The following ATRNL1 variants were observed in gnomAD, a reference collection of about 807,000 sequenced individuals.
ATRNL1 encodes the protein attractin like 1, also known as attractin-like protein 1.
In ATRNL1, 95 loss-of-function variants were observed where a neutral mutation model predicts 182.7. The observed-to-expected ratio is 0.52, with a 90% confidence interval of 0.44 to 0.62. The LOEUF (loss-of-function observed/expected upper bound fraction) is 0.62, where lower values mean the gene tolerates loss of function less well. ATRNL1 is among the 20% of genes least tolerant of loss of function. The pLI, the probability that ATRNL1 is intolerant of heterozygous loss-of-function variation, is 0.00. For synonymous variants in ATRNL1, 576 were observed against 568.3 expected (o/e 1.01, Z -0.19); for missense variants, 1,471 against 1,679.5 (o/e 0.88, Z 2.17).
chr10:115,559,865 A>C (rs782675015), intron 26 of ATRNL1, among the ~76,000 whole-genome samples: 1 of 152,132 alleles, frequency 6.6e-6, no homozygotes, highest in Non-Finnish European at 1.5e-5. Context: ...TCTATTCAAC[A>C]TTTTACTGTA....
chr10:115,451,930 A>G (rs571234021), intron 21 of ATRNL1, among the ~76,000 whole-genome samples: 63 of 152,330 alleles, frequency 4.1e-4, no homozygotes, highest in Non-Finnish European at 7.9e-4. Context: ...CTATGTAGCC[A>G]TAAAAAATGA....
At chr10:115,136,041 T>G (rs1049615773) in intron 5 of ATRNL1, among the ~76,000 whole-genome samples, 2 of 151,764 alleles carry the variant, frequency 1.3e-5, no homozygotes, top group African/African-American at 4.8e-5. Context: ...ATTGTTTTTT[T>G]TTTTTAGAGA....
At chr10:115,831,080 A>G (rs1950548763) in intron 27 of ATRNL1, among the ~76,000 whole-genome samples, 1 of 152,144 alleles carries the variant, frequency 6.6e-6, no homozygotes, top group African/African-American at 2.4e-5. Context: ...AAAAATCAAG[A>G]AAAGCAATTT....
At chr10:115,779,943 C>A (rs183961599) in intron 27 of ATRNL1, among the ~76,000 whole-genome samples, 13 of 152,318 alleles carry the variant, frequency 8.5e-5, no homozygotes, top group Non-Finnish European at 1.8e-4. Context: ...ACTGCAGGAA[C>A]ACCAAATTTC....
intron 15 of ATRNL1, among the ~76,000 whole-genome samples, chr10:115,289,016 G>A (rs1554920025): frequency 1.3e-5 from 2 of 152,108 alleles, no homozygotes; most frequent in African/African-American, 4.8e-5. Context: ...TCCGAGACTG[G>A]GGAGAAAAAG....
intron 26 of ATRNL1, among the ~76,000 whole-genome samples, chr10:115,694,763 A>G (rs1305875311): frequency 6.6e-6 from 1 of 152,112 alleles, no homozygotes; most frequent in Non-Finnish European, 1.5e-5. Context: ...CCCAGGTGGG[A>G]ATAAGGCATT....
At chr10:115,941,947 C>T (rs1264971009) in intron 28 of ATRNL1, among the ~76,000 whole-genome samples, 1 of 152,184 alleles carries the variant, frequency 6.6e-6, no homozygotes, top group Non-Finnish European at 1.5e-5. Context: ...TTTATGTAAA[C>T]TTTGAACTTG....
At chr10:115,713,639 A>T (rs1947140326) in intron 26 of ATRNL1, among the ~76,000 whole-genome samples, 1 of 152,174 alleles carries the variant, frequency 6.6e-6, no homozygotes, top group South Asian at 2.1e-4. Flanking sequence ...ACACACATAT[A>T]CACAGTAACC....
chr10:115,933,076 A>T (rs1405464403), intron 28 of ATRNL1, among the ~76,000 whole-genome samples: 1 of 152,220 alleles, frequency 6.6e-6, no homozygotes, highest in Non-Finnish European at 1.5e-5. Flanking sequence ...AGGTGAACAG[A>T]TTCTTCCCTT....
intron 27 of ATRNL1, among the ~76,000 whole-genome samples, chr10:115,836,546 C>G (rs77700947): frequency 0.016 from 2,487 of 152,246 alleles, 84 homozygotes; most frequent in African/African-American, 0.057. Context: ...TCTGGCGTTG[C>G]CTGCAAACCT....
chr10:115,706,840 G>A (rs1946914816), intron 26 of ATRNL1, among the ~76,000 whole-genome samples: 1 of 151,698 alleles, frequency 6.6e-6, no homozygotes, highest in Admixed American at 6.6e-5. Context: ...CACATAATCA[G>A]ATATTAATTT....
intron 8 of ATRNL1, among the ~76,000 whole-genome samples, chr10:115,199,631 A>C (rs7905565): frequency 0.019 from 2,833 of 152,168 alleles, 105 homozygotes; most frequent in African/African-American, 0.065. Context: ...AAATATCTTG[A>C]TATCTGTGTA....
At chr10:115,678,031 G>T (rs1945923191) in intron 26 of ATRNL1, among the ~76,000 whole-genome samples, 3 of 151,952 alleles carry the variant, frequency 2.0e-5, no homozygotes, top group Admixed American at 1.3e-4. Flanking sequence ...GTTTGGTATG[G>T]GTTTACTTTT....
chr10:115,366,473 A>G (rs1308592412), intron 19 of ATRNL1, among the ~76,000 whole-genome samples: 146 of 152,102 alleles, frequency 9.6e-4, no homozygotes, highest in African/African-American at 3.2e-3. Context: ...TCTTTATCCA[A>G]TTTGCCAGTC....
intron 8 of ATRNL1, among the ~76,000 whole-genome samples, chr10:115,201,773 C>A (rs1200444130): frequency 3.9e-5 from 6 of 152,204 alleles, no homozygotes; most frequent in South Asian, 4.1e-4. Context: ...TGAAGAAAGT[C>A]ATTGGTAGCT....
intron 19 of ATRNL1, among the ~76,000 whole-genome samples, chr10:115,351,872 A>T (rs2134126195): frequency 6.6e-6 from 1 of 152,252 alleles, no homozygotes; most frequent in East Asian, 1.9e-4. Context: ...TTGACTTTGT[A>T]GAATATAATA....
chr10:115,656,949 A>G (rs889429311), intron 26 of ATRNL1, among the ~76,000 whole-genome samples: 5 of 152,148 alleles, frequency 3.3e-5, no homozygotes, highest in Admixed American at 1.3e-4. Flanking sequence ...AATGTTTAAT[A>G]TTAGAAGTGT....
intron 26 of ATRNL1, among the ~76,000 whole-genome samples, chr10:115,555,783 TAAA>T (rs1853278746): frequency 6.6e-6 from 1 of 151,998 alleles, no homozygotes; most frequent in Admixed American, 6.6e-5. Context: ...TGGTATTTGA[TAAA>T]GAAGATTGAC....
chr10:115,529,357 T>C (rs1851429806), intron 25 of ATRNL1, among the ~76,000 whole-genome samples: 1 of 151,956 alleles, frequency 6.6e-6, no homozygotes, highest in Admixed American at 6.5e-5. Context: ...TCTCTTGTTA[T>C]ATTTTGTGTA....
Sources: gnomAD v4.1 joint callset for allele counts (sites outside exome capture counted in the v4.1 genomes callset) on GRCh38, gnomAD v4.1.1 for gene constraint, MANE v1.5 for transcripts, NCBI Gene and HGNC (gene_info 2026-07-23, HGNC 2026-07-21) for gene names.